The following NKAIN3 variants were observed in gnomAD, a reference collection of about 807,000 sequenced individuals.
NKAIN3 encodes the protein sodium/potassium-transporting ATPase subunit beta-1-interacting protein 3.
In NKAIN3, 25 loss-of-function variants were observed where a neutral mutation model predicts 30.2. The observed-to-expected ratio is 0.83, with a 90% CI of 0.60 to 1.16. The LOEUF (loss-of-function observed/expected upper bound fraction) is 1.16, where lower values mean the gene tolerates loss of function less well. Among genes scored for constraint, NKAIN3 ranks in the 50% most tolerant of loss-of-function variants. The pLI, the probability that NKAIN3 is intolerant of heterozygous loss-of-function variation, is 0.00. For synonymous variants in NKAIN3, 91 were observed against 89.6 expected (o/e 1.02, Z -0.09); for missense variants, 225 against 254.1 (o/e 0.89, Z 0.78).
intron 1 of NKAIN3, among the ~76,000 whole-genome samples, chr8:62,480,892 G>A (rs996812072): frequency 1.3e-5 from 2 of 152,082 alleles, no homozygotes; most frequent in African/African-American, 4.8e-5. Context: ...GATCAGAATG[G>A]AGTCATTCTT....
rs926252029 is a variant in NKAIN3 at position 62,286,776 on chromosome 8, A to T, written c.54+37649A>T. On this transcript the variant is annotated intron_variant, in intron 1 of 6. Coordinates refer to ENST00000623646, the MANE Select transcript of NKAIN3 (RefSeq NM_001304533.3). ...TGTGTTCTTTGCCTGGACAGAAGCCAGTTCATTTCAGCATAAGATTGAGCT... is the reference window on the plus strand; with the variant it reads ...TGTGTTCTTTGCCTGGACAGAAGCCTGTTCATTTCAGCATAAGATTGAGCT... Among the ~76,000 whole-genome samples the T allele has an allele frequency of 2.0e-5, 3 of 152,100 alleles. No individual in the cohort carries two copies. The East Asian group carries it at 5.8e-4, about 29-fold the overall frequency.
chr8:62,270,768 G>A (rs1307083450), intron 1 of NKAIN3, among the ~76,000 whole-genome samples: 1 of 152,108 alleles, frequency 6.6e-6, no homozygotes, highest in Non-Finnish European at 1.5e-5. Flanking sequence ...GTGATTCTTT[G>A]AGTTCAATTA....
intron 5 of NKAIN3, among the ~76,000 whole-genome samples, chr8:62,947,141 TTCTTACA>T (rs1315799496): frequency 7.0e-4 from 107 of 152,302 alleles, no homozygotes; most frequent in Middle Eastern, 6.8e-3. Context: ...AGTGTGCACT[TTCTTACA>T]AAGGGGTTCC....
At chr8:62,277,000 T>A (rs1451618987) in intron 1 of NKAIN3, among the ~76,000 whole-genome samples, 1 of 152,172 alleles carries the variant, frequency 6.6e-6, no homozygotes. Context: ...TCTGTAAGTT[T>A]TTGGCATTAT....
chr8:62,668,754 G>A (rs1246044234), intron 3 of NKAIN3, among the ~76,000 whole-genome samples: 1 of 152,094 alleles, frequency 6.6e-6, no homozygotes, highest in East Asian at 1.9e-4. Context: ...AATTATATAT[G>A]TATTCCTTAA....
At chr8:62,513,202 T>A (rs1446350487) in intron 1 of NKAIN3, among the ~76,000 whole-genome samples, 1 of 151,820 alleles carries the variant, frequency 6.6e-6, no homozygotes, top group Non-Finnish European at 1.5e-5. Flanking sequence ...TAGCCTCATG[T>A]AAGGAAATAG....
chr8:62,276,944 C>G (rs1812983664), intron 1 of NKAIN3, among the ~76,000 whole-genome samples: 2 of 151,936 alleles, frequency 1.3e-5, no homozygotes, highest in South Asian at 4.2e-4. Context: ...TTTCCTAGAA[C>G]TCTATACTTT....
intron 4 of NKAIN3, among the ~76,000 whole-genome samples, chr8:62,916,064 CA>C (rs1236391409): frequency 6.6e-6 from 1 of 152,106 alleles, no homozygotes; most frequent in African/African-American, 2.4e-5. Flanking sequence ...GAAAAGCAGG[CA>C]TTGTCAGTCA....
At chr8:62,947,141 T>G (rs1191699261) in intron 5 of NKAIN3, among the ~76,000 whole-genome samples, 1 of 152,184 alleles carries the variant, frequency 6.6e-6, no homozygotes, top group Non-Finnish European at 1.5e-5. Context: ...AGTGTGCACT[T>G]TCTTACAAAG....
intron 3 of NKAIN3, among the ~76,000 whole-genome samples, chr8:62,674,952 C>G (rs1051878248): frequency 6.6e-6 from 1 of 152,208 alleles, no homozygotes; most frequent in Non-Finnish European, 1.5e-5. Context: ...CTCCCCAAAT[C>G]TTAGACTAAA....
At chr8:62,886,968 A>T (rs1302725760) in intron 4 of NKAIN3, among the ~76,000 whole-genome samples, 2 of 152,130 alleles carry the variant, frequency 1.3e-5, no homozygotes, top group Non-Finnish European at 2.9e-5. Context: ...CTCCAGCTTC[A>T]TCCACATCTC....
At chr8:62,782,168 G>T (rs1328013490) in intron 4 of NKAIN3, among the ~76,000 whole-genome samples, 4 of 151,726 alleles carry the variant, frequency 2.6e-5, no homozygotes, top group Admixed American at 6.6e-5. Context: ...TGTATGAAAA[G>T]ATACTCGACA....
chr8:62,801,502 C>A (rs1336368888), intron 4 of NKAIN3, among the ~76,000 whole-genome samples: 1 of 152,236 alleles, frequency 6.6e-6, no homozygotes, highest in Non-Finnish European at 1.5e-5. Flanking sequence ...GATACCCAGG[C>A]AAACAGGGTC....
chr8:62,966,399 T>C lies in NKAIN3; in HGVS notation c.*992T>C. 1.0e-6 allele frequency: 1 copy of C among 985,028 alleles called. No individual in the cohort carries two copies. The highest frequency in any genetic ancestry group is 1.7e-5 in the African/African-American group (1 of 57,358). The allele number at this position is 985,028 out of a possible 1,614,324, so 61.0% of individuals were successfully genotyped here. Reference sequence around the variant, plus strand: ...AGCAATTATCTGTGGAAAAAAGGACTGTCTTGAAAACGCATCACAGTTGTA... The same window carrying C: ...AGCAATTATCTGTGGAAAAAAGGACCGTCTTGAAAACGCATCACAGTTGTA... On this transcript the variant is annotated 3_prime_UTR_variant, in exon 7 of 7. Coordinates refer to ENST00000623646, the MANE Select transcript of NKAIN3 (RefSeq NM_001304533.3).
intron 4 of NKAIN3, among the ~76,000 whole-genome samples, chr8:62,893,044 C>G (rs1399803925): frequency 6.6e-6 from 1 of 152,166 alleles, no homozygotes; most frequent in Non-Finnish European, 1.5e-5. Context: ...TTTCACATAG[C>G]TATCGAGAGT....
At chr8:62,681,286 G>A (rs1181728109) in intron 3 of NKAIN3, among the ~76,000 whole-genome samples, 2 of 152,154 alleles carry the variant, frequency 1.3e-5, no homozygotes, top group African/African-American at 2.4e-5. Flanking sequence ...AAAGAACTTT[G>A]AGATTATTGA....
chr8:62,550,657 G>C (rs1809174370), intron 1 of NKAIN3, among the ~76,000 whole-genome samples: 1 of 152,146 alleles, frequency 6.6e-6, no homozygotes, highest in South Asian at 2.1e-4. Flanking sequence ...AATGCAGATT[G>C]GATTTGCATG....
rs1344762274 is a variant in NKAIN3 at position 62,474,691 on chromosome 8, T to C, written c.55-104848T>C. Among the ~76,000 whole-genome samples the C allele has an allele frequency of 2.6e-5, 4 of 152,134 alleles. No individual in the cohort carries two copies. The East Asian group carries it at 7.7e-4, about 29-fold the overall frequency. On this transcript the variant is annotated intron_variant, in intron 1 of 6. Transcript: ENST00000623646. ...TAAAAATATGTTTCAAAAATTAAGGTTAAATAAAAACATTTTCAGATAAAC... is the reference window on the plus strand; with the variant it reads ...TAAAAATATGTTTCAAAAATTAAGGCTAAATAAAAACATTTTCAGATAAAC...
At chr8:62,926,011 C>T (rs1030188401) in intron 5 of NKAIN3, among the ~76,000 whole-genome samples, 3 of 152,180 alleles carry the variant, frequency 2.0e-5, no homozygotes, top group Non-Finnish European at 4.4e-5. Flanking sequence ...CTGTGCAGCA[C>T]TTCTCAAGCA....
Sources: allele counts gnomAD v4.1 joint callset (sites outside exome capture counted in the v4.1 genomes callset), GRCh38; gene constraint gnomAD v4.1.1; transcripts MANE v1.5; gene names NCBI Gene and HGNC (gene_info 2026-07-23, HGNC 2026-07-21).